The following KCND3 variants were observed in gnomAD, a reference collection of about 807,000 sequenced individuals.
KCND3 encodes the protein A-type voltage-gated potassium channel KCND3.
A neutral mutation model predicts 51.1 loss-of-function variants in KCND3; 9 were observed. That is an observed-to-expected ratio of 0.18 (90% CI 0.11 to 0.31). The LOEUF (loss-of-function observed/expected upper bound fraction) is 0.31. KCND3 is among the 10% of genes least tolerant of loss of function. KCND3 has a pLI of 1.00. For missense variants in KCND3, 526 were observed against 903.8 expected (o/e 0.58, Z 5.36); for synonymous variants, 349 against 368.0 (o/e 0.95, Z 0.59).
intron 2 of KCND3, among the ~76,000 whole-genome samples, chr1:111,946,484 C>T (rs1484159405): frequency 1.3e-5 from 2 of 152,192 alleles, no homozygotes; most frequent in African/African-American, 4.8e-5. Context: ...TTCATGCCCT[C>T]CTTGGCACTG....
chr1:111,785,066 T>A (rs1446518902), intron 3 of KCND3, among the ~76,000 whole-genome samples: 3 of 151,978 alleles, frequency 2.0e-5, no homozygotes, highest in African/African-American at 4.8e-5. Context: ...ATAATAATAA[T>A]AAATCAATTC....
At position 111,982,819 on chromosome 1, in the gene KCND3, G is replaced by C; in HGVS notation, c.-72-21C>G. 8 of 1,505,730 alleles carry C rather than the reference G, an allele frequency of 5.3e-6. No homozygotes were observed. Among genetic ancestry groups the C allele is most frequent in the Non-Finnish European group, 7.1e-6 (8 of 1,120,776 alleles). The allele number at this position is 1,505,730 out of a possible 1,614,324, so 93.3% of individuals were successfully genotyped here. A position where few individuals can be genotyped will look rare whatever the true frequency, so the allele number is the denominator to read the frequency against. On this transcript the variant is annotated intron_variant, in intron 1 of 7. Transcript: ENST00000302127. This position sits in a 1 kb window ranked among gnomAD's most constrained non-coding sequence, Gnocchi z 8.5. Reference sequence around the variant, plus strand: ...AAACCCTGGGAGACAGGAGGGGAGAGAGAGAAGCGGTGAGTCCATATCGAC... The same window carrying C: ...AAACCCTGGGAGACAGGAGGGGAGACAGAGAAGCGGTGAGTCCATATCGAC...
intron 2 of KCND3, among the ~76,000 whole-genome samples, chr1:111,830,400 T>C (rs1465494644): frequency 6.6e-6 from 1 of 152,212 alleles, no homozygotes; most frequent in African/African-American, 2.4e-5. Flanking sequence ...ATATTCCAGG[T>C]AGGAGACCCT....
At chr1:111,880,067 C>T (rs951392382) in intron 2 of KCND3, among the ~76,000 whole-genome samples, 17 of 152,190 alleles carry the variant, frequency 1.1e-4, no homozygotes, top group African/African-American at 4.1e-4. Context: ...GAATGGTTAA[C>T]CTATAGTAGC....
intron 2 of KCND3, among the ~76,000 whole-genome samples, chr1:111,905,619 C>T (rs988454238): frequency 6.6e-6 from 1 of 152,288 alleles, no homozygotes; most frequent in Non-Finnish European, 1.5e-5. Context: ...GAGGTGGAGG[C>T]TGGTGTTGAT....
intron 2 of KCND3, among the ~76,000 whole-genome samples, chr1:111,837,286 C>A (rs1440835257): frequency 1.3e-5 from 2 of 152,060 alleles, no homozygotes; most frequent in East Asian, 3.9e-4. Context: ...CATCATGAGC[C>A]CCTCAACATT....
At chr1:111,921,578 A>T (rs1417439549) in intron 2 of KCND3, among the ~76,000 whole-genome samples, 1 of 152,214 alleles carries the variant, frequency 6.6e-6, no homozygotes, top group Non-Finnish European at 1.5e-5. Context: ...AGCAGCGCCA[A>T]TCATGAGAAA....
chr1:111,907,007 G>A (rs1370138311), intron 2 of KCND3, among the ~76,000 whole-genome samples: 3 of 152,110 alleles, frequency 2.0e-5, no homozygotes, highest in Admixed American at 1.3e-4. Context: ...TGTCCTTCAG[G>A]ATTGGTCCAG....
intron 2 of KCND3, among the ~76,000 whole-genome samples, chr1:111,933,453 C>T (rs1233027118): frequency 1.3e-5 from 2 of 152,188 alleles, no homozygotes; most frequent in Non-Finnish European, 2.9e-5. Flanking sequence ...GAAAAACTTA[C>T]CCCTACCATT....
chr1:111,935,489 G>A (rs1672176885), intron 2 of KCND3, among the ~76,000 whole-genome samples: 1 of 152,024 alleles, frequency 6.6e-6, no homozygotes, highest in South Asian at 2.1e-4. Flanking sequence ...GCCCAGAGAG[G>A]AAAAACATGT....
intron 2 of KCND3, among the ~76,000 whole-genome samples, chr1:111,832,097 G>A (rs2101621736): frequency 6.6e-6 from 1 of 152,214 alleles, no homozygotes; most frequent in Non-Finnish European, 1.5e-5. Flanking sequence ...CACACCACAG[G>A]TCTCCCCTTA....
intron 3 of KCND3, among the ~76,000 whole-genome samples, chr1:111,783,580 T>C (rs1664479595): frequency 6.6e-6 from 1 of 151,502 alleles, no homozygotes; most frequent in Admixed American, 6.6e-5. Context: ...ACCATGAGTA[T>C]TTCTATCTTT....
intron 2 of KCND3, among the ~76,000 whole-genome samples, chr1:111,889,375 T>C (rs1669723359): frequency 6.6e-6 from 1 of 152,184 alleles, no homozygotes; most frequent in African/African-American, 2.4e-5. Context: ...AATCACTCAA[T>C]AGGCATTTAT....
At chr1:111,806,728 A>C (rs186495147) in intron 2 of KCND3, among the ~76,000 whole-genome samples, 8 of 152,358 alleles carry the variant, frequency 5.3e-5, no homozygotes, top group African/African-American at 1.9e-4. Flanking sequence ...TCTCTGAGGA[A>C]GTGAGAACTC....
chr1:111,880,849 A>G lies in KCND3; in HGVS notation c.1107-93743T>C, dbSNP rs17028928. Among the ~76,000 whole-genome samples, 936 of 152,298 alleles carry G rather than the reference A, an allele frequency of 6.1e-3. 10 individuals carry two copies. Among genetic ancestry groups the G allele is most frequent in the African/African-American group, 0.021 (863 of 41,564 alleles). On this transcript the variant is annotated intron_variant, in intron 2 of 7. Transcript: ENST00000302127. ...GCTTTCCCACTGCTAGGTAATTACAACAGGTTTTTATTCCAAATGTAAAGA... is the reference window on the plus strand; with the variant it reads ...GCTTTCCCACTGCTAGGTAATTACAGCAGGTTTTTATTCCAAATGTAAAGA...
intron 2 of KCND3, among the ~76,000 whole-genome samples, chr1:111,858,098 C>T (rs1421753798): frequency 6.6e-6 from 1 of 152,194 alleles, no homozygotes; most frequent in African/African-American, 2.4e-5. Context: ...AAGGCACCTT[C>T]AAACATGTGG....
At chr1:111,935,428 G>A (rs1571871190) in intron 2 of KCND3, among the ~76,000 whole-genome samples, 2 of 152,164 alleles carry the variant, frequency 1.3e-5, no homozygotes, top group East Asian at 3.8e-4. Context: ...TTTACATGGA[G>A]AGAGAGCTAC....
At chr1:111,876,724 C>T (rs1394352646) in intron 2 of KCND3, among the ~76,000 whole-genome samples, 1 of 152,172 alleles carries the variant, frequency 6.6e-6, no homozygotes, top group Non-Finnish European at 1.5e-5. Flanking sequence ...TGTCTTCTGC[C>T]CAGCCTCTCC....
Position 111,952,027 on chromosome 1 carries a change from A to C in KCND3, c.1106+29594T>G, listed in dbSNP as rs140212144. Among the ~76,000 whole-genome samples the C allele has an allele frequency of 3.5e-3, 539 of 152,316 alleles. 1 individual carries two copies. The highest frequency in any genetic ancestry group is 5.3e-3 in the Non-Finnish European group (360 of 68,026). On this transcript the variant is annotated intron_variant, in intron 2 of 7. Coordinates refer to ENST00000302127, the MANE Select transcript of KCND3 (RefSeq NM_001378969.1). ...ACATCCCCACTGAAGTCATTGATAA[A>C]ATGCTGCCAAGCTATGGCTGCAATC... is the stretch of plus-strand genomic sequence containing the variant.
Sources: allele counts gnomAD v4.1 joint callset (sites outside exome capture counted in the v4.1 genomes callset), GRCh38; gene constraint gnomAD v4.1.1; non-coding constraint Gnocchi (gnomAD v3.1); transcripts MANE v1.5; gene names NCBI Gene and HGNC (gene_info 2026-07-23, HGNC 2026-07-21).